Variants in HOOK3 observed in about 807,000 individuals in gnomAD.
The protein encoded by HOOK3 is protein Hook homolog 3.
HOOK3 carries 24 observed loss-of-function variants against 116.3 expected under a neutral mutation model. That is an observed-to-expected ratio of 0.21 (90% CI 0.15 to 0.29). The LOEUF is 0.29. Among genes scored for constraint, HOOK3 ranks in the 10% least tolerant of loss-of-function variants. The pLI is 1.00. For synonymous variants in HOOK3, 275 were observed against 283.0 expected (o/e 0.97, Z 0.28); for missense variants, 632 against 830.2 (o/e 0.76, Z 2.93).
intron 16 of HOOK3, among the ~76,000 whole-genome samples, chr8:43,000,523 T>C (rs2130471795): frequency 6.6e-6 from 1 of 152,324 alleles, no homozygotes; most frequent in South Asian, 2.1e-4. Flanking sequence ...TCCATCCCAT[T>C]ATTATAATTA....
intron 4 of HOOK3, among the ~76,000 whole-genome samples, chr8:42,939,565 C>T (rs1367086340): frequency 4.9e-5 from 7 of 142,932 alleles, no homozygotes; most frequent in South Asian, 2.2e-4. Flanking sequence ...GCTGGCCGAG[C>T]GGGGGGCTGA....
intron 2 of HOOK3, among the ~76,000 whole-genome samples, chr8:42,908,469 C>G (rs577323417): frequency 1.3e-5 from 2 of 152,260 alleles, no homozygotes; most frequent in Admixed American, 6.5e-5. Flanking sequence ...GACACAATGA[C>G]CAGTGGAACA....
At chr8:42,970,715 C>T (rs1808711125) in intron 11 of HOOK3, among the ~76,000 whole-genome samples, 1 of 150,032 alleles carries the variant, frequency 6.7e-6, no homozygotes, top group Admixed American at 6.6e-5. Flanking sequence ...TCTCATATTA[C>T]TTCTGATAAT....
chr8:42,969,690 G>T (rs1808692736), intron 11 of HOOK3, among the ~76,000 whole-genome samples: 1 of 152,186 alleles, frequency 6.6e-6, no homozygotes, highest in Non-Finnish European at 1.5e-5. Flanking sequence ...TTGCCAATTA[G>T]ATGGGTATAA....
At chr8:42,927,069 T>G (rs1807779310) in intron 3 of HOOK3, among the ~76,000 whole-genome samples, 1 of 152,222 alleles carries the variant, frequency 6.6e-6, no homozygotes, top group African/African-American at 2.4e-5. Context: ...TACAAATGAT[T>G]TAACCATGCG....
At position 43,018,989 on chromosome 8, in the gene HOOK3, T is replaced by C. The variant is rs974675142; in HGVS notation, c.*491T>C. On this transcript the variant is annotated 3_prime_UTR_variant, in exon 22 of 22. Coordinates refer to ENST00000307602, the MANE Select transcript of HOOK3 (RefSeq NM_032410.4). The stretch of plus-strand genomic sequence containing the variant: ...TAACTTGCATATTTACTATACAAAA[T>C]GGTTGACAAGTGTTCTTTTTGCAAA... 6 of 210,396 alleles carry C rather than the reference T, an allele frequency of 2.9e-5. No individual in the cohort carries two copies. Among genetic ancestry groups the C allele is most frequent in the Admixed American group, 5.9e-5 (1 of 17,004 alleles). The allele number at this position is 210,396 out of a possible 1,614,324, so 13.0% of individuals were successfully genotyped here.
rs554379493 is a variant in HOOK3, at chr8:42,940,289, G to A, written c.268-3024G>A. On this transcript the variant is annotated intron_variant, in intron 4 of 21. Transcript: ENST00000307602. ...GCGGCTAGGAGCTGGAGACCAGCCC[G>A]GCCAACACAGCGAAACCCCGTCTCC... is the stretch of plus-strand genomic sequence containing the variant. 7.9e-3 allele frequency among the ~76,000 whole-genome samples: 1,200 copies of A among 152,340 alleles called. 16 individuals carry two copies. The highest frequency in any genetic ancestry group is 0.027 in the African/African-American group (1,112 of 41,562).
At chr8:42,926,112 T>G (rs925452536) in intron 3 of HOOK3, among the ~76,000 whole-genome samples, 6 of 152,208 alleles carry the variant, frequency 3.9e-5, no homozygotes, top group Non-Finnish European at 7.3e-5. Context: ...TTTTACAAGT[T>G]TCTTTAACCA....
intron 3 of HOOK3, 72 bp downstream of exon 3, chr8:42,925,701 C>G: frequency 1.0e-6 from 1 of 972,138 alleles, no homozygotes; most frequent in Non-Finnish European, 1.6e-6. Context: ...TTTTTTTTGT[C>G]TGATGTGTCC....
chr8:42,983,494 TTTA>T (rs1808992762), intron 14 of HOOK3, among the ~76,000 whole-genome samples: 1 of 152,080 alleles, frequency 6.6e-6, no homozygotes, highest in African/African-American at 2.4e-5. Flanking sequence ...CATTTATTTA[TTTA>T]TTTAGAGGCA....
intron 7 of HOOK3, among the ~76,000 whole-genome samples, chr8:42,958,895 C>T (rs1563301213): frequency 1.3e-5 from 2 of 152,014 alleles, no homozygotes. Flanking sequence ...ATTCCCCTAG[C>T]ACATACATAT....
chr8:42,986,383 T>G lies in HOOK3; in HGVS notation c.1392-272T>G, dbSNP rs1486090242. ...TAAATGCATTCATAGTTTAAATATT[T>G]AAATCAGGGAAGAAATAGGATTTTG... On this transcript the variant is annotated intron_variant, in intron 14 of 21. Coordinates refer to ENST00000307602, the MANE Select transcript of HOOK3 (RefSeq NM_032410.4). Among the ~76,000 whole-genome samples, 6 of 152,324 alleles carry G rather than the reference T, an allele frequency of 3.9e-5. No homozygotes were observed. The East Asian group carries it at 1.2e-3, about 29-fold the overall frequency.
At chr8:42,906,835 C>T (rs748665304) in intron 2 of HOOK3, among the ~76,000 whole-genome samples, 18 of 152,084 alleles carry the variant, frequency 1.2e-4, no homozygotes, top group African/African-American at 3.1e-4. Context: ...AAGCAACAGG[C>T]GAATGCGTGG....
At chr8:42,998,458 A>G (rs562716854) in intron 16 of HOOK3, among the ~76,000 whole-genome samples, 1 of 152,300 alleles carries the variant, frequency 6.6e-6, no homozygotes, top group African/African-American at 2.4e-5. Context: ...ATTTGAGCAT[A>G]AACGTTTGTT....
chr8:43,002,174 T>C, intron 17 of HOOK3, 33 bp downstream of exon 17: 1 of 1,539,744 alleles, frequency 6.5e-7, no homozygotes, highest in Non-Finnish European at 9.0e-7. Flanking sequence ...CTGATTCTTC[T>C]ATAGTGGAAC....
chr8:42,942,870 T>C (rs532312595), intron 4 of HOOK3, among the ~76,000 whole-genome samples: 1 of 152,236 alleles, frequency 6.6e-6, no homozygotes, highest in Non-Finnish European at 1.5e-5. Context: ...AATTTCATGC[T>C]CCTTCCTGAC....
intron 6 of HOOK3, among the ~76,000 whole-genome samples, chr8:42,952,325 T>C (rs960887739): frequency 2.6e-5 from 4 of 152,212 alleles, no homozygotes; most frequent in African/African-American, 9.6e-5. Context: ...AAAAAATGCA[T>C]AGGGTGAGGT....
chr8:42,944,347 C>T (rs1434815554), intron 5 of HOOK3, among the ~76,000 whole-genome samples: 1 of 151,926 alleles, frequency 6.6e-6, no homozygotes, highest in Non-Finnish European at 1.5e-5. Flanking sequence ...ACCTGGGAGG[C>T]AGAGGTTGCA....
chr8:42,903,478 G>T (rs1435404772), intron 1 of HOOK3, among the ~76,000 whole-genome samples: 1 of 149,918 alleles, frequency 6.7e-6, no homozygotes, highest in East Asian at 2.0e-4. Flanking sequence ...CCGAGTAGCT[G>T]GGACTACAGG....
Sources: gnomAD v4.1 joint callset for allele counts (sites outside exome capture counted in the v4.1 genomes callset) on GRCh38, gnomAD v4.1.1 for gene constraint, MANE v1.5 for transcripts, NCBI Gene and HGNC (gene_info 2026-07-23, HGNC 2026-07-21) for gene names.